FOXO1: variants seen among roughly 807,000 people sequenced by gnomAD.
FOXO1 encodes the protein forkhead box protein O1.
In FOXO1, 6 loss-of-function variants were observed where a neutral mutation model predicts 44.1. That is an observed-to-expected ratio of 0.14 (90% CI 0.07 to 0.27). The LOEUF (loss-of-function observed/expected upper bound fraction) is 0.27. Among genes scored for constraint, FOXO1 ranks in the 10% least tolerant of loss-of-function variants. The pLI is 1.00. For synonymous variants in FOXO1, 380 were observed against 362.7 expected (o/e 1.05, Z -0.54); for missense variants, 737 against 888.8 (o/e 0.83, Z 2.17).
chr13:40,609,836 T>C (rs914328395), intron 1 of FOXO1, among the ~76,000 whole-genome samples: 2 of 152,174 alleles, frequency 1.3e-5, no homozygotes, highest in Non-Finnish European at 2.9e-5. Flanking sequence ...TTCAGCATTT[T>C]TTCCAATTAC....
chr13:40,583,109 G>C (rs1470251534), intron 1 of FOXO1, among the ~76,000 whole-genome samples: 1 of 152,212 alleles, frequency 6.6e-6, no homozygotes, highest in Non-Finnish European at 1.5e-5. Context: ...CTCCATCAAA[G>C]CTCTTGTGTG....
chr13:40,594,849 C>T (rs992743203), intron 1 of FOXO1, among the ~76,000 whole-genome samples: 2 of 152,110 alleles, frequency 1.3e-5, no homozygotes, highest in Non-Finnish European at 2.9e-5. Flanking sequence ...ACCAAGCCAG[C>T]TAATTTCTTT....
intron 1 of FOXO1, among the ~76,000 whole-genome samples, chr13:40,626,325 C>A (rs1489475769): frequency 6.6e-6 from 1 of 152,180 alleles, no homozygotes; most frequent in African/African-American, 2.4e-5. Flanking sequence ...CCAAGTAAGG[C>A]ACTGGTCTCA....
At chr13:40,593,951 C>A (rs1875483236) in intron 1 of FOXO1, among the ~76,000 whole-genome samples, 1 of 152,152 alleles carries the variant, frequency 6.6e-6, no homozygotes, top group Admixed American at 6.5e-5. Context: ...GATTTGACAA[C>A]CACCCACAAT....
chr13:40,657,319 C>CTTTT (rs369503666), intron 1 of FOXO1, among the ~76,000 whole-genome samples: 1 of 127,804 alleles, frequency 7.8e-6, no homozygotes, highest in Admixed American at 8.4e-5. Flanking sequence ...CCTTTTTTTT[C>CTTTT]TTTTTTTTTT....
intron 1 of FOXO1, among the ~76,000 whole-genome samples, chr13:40,632,523 A>C (rs1876999483): frequency 6.6e-6 from 1 of 152,044 alleles, no homozygotes. Flanking sequence ...CCGTAATCCT[A>C]GCTACTTGGG....
intron 1 of FOXO1, among the ~76,000 whole-genome samples, chr13:40,572,749 C>T (rs1426064812): frequency 6.6e-6 from 1 of 152,152 alleles, no homozygotes; most frequent in Non-Finnish European, 1.5e-5. Context: ...GAGATTGAGC[C>T]CAAGTCAGGG....
At position 40,560,346 on chromosome 13, in the gene FOXO1, G is replaced by A; in HGVS notation, c.1145C>T (p.Ser382Leu). The A allele has an allele frequency of 3.1e-6, 5 of 1,614,174 alleles. No homozygotes were observed. Among genetic ancestry groups the A allele is most frequent in the Non-Finnish European group, 4.2e-6 (5 of 1,180,034 alleles). The change falls in exon 2 of 3, where the codon TCA becomes TTA. Residue 382 changes from serine (S) to leucine (L), a missense_variant. Around this residue, in one of 7 missense-constraint regions of FOXO1, gnomAD observed 136 missense variants for 186.4 expected, o/e 0.73. Transcript: ENST00000379561. The surrounding 1 kb of genome is among the most constrained non-coding windows in gnomAD (Gnocchi z 5.1). The part of the protein sequence containing the change: ...ENLLDNLNLL[S>L]SPTSLTVSTQ... ...CGAAACAGTTAATGATGTTGGTGATGAGAGAAGGTTGAGATTATCCAAAAG... is the reference window on the plus strand; with the variant it reads ...CGAAACAGTTAATGATGTTGGTGATAAGAGAAGGTTGAGATTATCCAAAAG...
intron 1 of FOXO1, among the ~76,000 whole-genome samples, chr13:40,572,108 C>T (rs1421833626): frequency 2.6e-5 from 4 of 152,138 alleles, no homozygotes; most frequent in African/African-American, 9.7e-5. Flanking sequence ...GAATTGTTTA[C>T]AGAAGCCAGT....
chr13:40,654,259 C>T (rs1877780607), intron 1 of FOXO1, among the ~76,000 whole-genome samples: 1 of 133,392 alleles, frequency 7.5e-6, no homozygotes, highest in Non-Finnish European at 1.6e-5. Context: ...GGGCAGGTCA[C>T]AAGGTCAGGA....
chr13:40,580,845 G>A (rs988220902), intron 1 of FOXO1, among the ~76,000 whole-genome samples: 1 of 152,190 alleles, frequency 6.6e-6, no homozygotes, highest in Non-Finnish European at 1.5e-5. Context: ...AGCAAAATAA[G>A]TTCAAGTCCC....
intron 1 of FOXO1, among the ~76,000 whole-genome samples, chr13:40,624,317 T>TTAAA (rs781451856): frequency 0.078 from 7,810 of 100,746 alleles, 386 homozygotes; most frequent in East Asian, 0.13. Flanking sequence ...TAATACTGCT[T>TTAAA]AAAAAAAAAA....
In FOXO1 at chr13:40,560,730, G is replaced by A; in HGVS notation, c.761C>T (p.Ala254Val). ...GKSGKSPRRR[A>V]ASMDNNSKFA... ...TTTACTGTTGTTGTCCATGGATGCAGCTCTTCTCCTAGGAGATTTCCCGCT... is the reference window on the plus strand; with the variant it reads ...TTTACTGTTGTTGTCCATGGATGCAACTCTTCTCCTAGGAGATTTCCCGCT... The change falls in exon 2 of 3, where the codon GCT (alanine) becomes GTT (valine). Residue 254 changes from alanine (A) to valine (V), a missense_variant. Ala to Val is a moderately conservative substitution (Grantham distance 64, BLOSUM62 0). This residue lies in a region of FOXO1 where 136 missense variants were observed against 186.4 expected (regional missense o/e 0.73). Transcript: ENST00000379561. This position sits in a 1 kb window ranked among gnomAD's most constrained non-coding sequence, Gnocchi z 5.1. The A allele has an allele frequency of 6.2e-7, 1 of 1,614,204 alleles. No homozygotes were observed. Among genetic ancestry groups the A allele is most frequent in the Non-Finnish European group, 8.5e-7 (1 of 1,180,032 alleles).
intron 1 of FOXO1, among the ~76,000 whole-genome samples, chr13:40,646,433 A>G (rs1439781913): frequency 1.3e-5 from 2 of 151,946 alleles, no homozygotes; most frequent in African/African-American, 4.8e-5. Flanking sequence ...TGCCCACCTC[A>G]GCCTCCCAAA....
intron 1 of FOXO1, among the ~76,000 whole-genome samples, chr13:40,605,557 G>A (rs1875964126): frequency 6.6e-6 from 1 of 151,986 alleles, no homozygotes; most frequent in African/African-American, 2.4e-5. Context: ...CCTCCCCTTT[G>A]TCCAGGCTGC....
intron 1 of FOXO1, among the ~76,000 whole-genome samples, chr13:40,641,929 T>A (rs1443937751): frequency 6.6e-6 from 1 of 152,118 alleles, no homozygotes; most frequent in Admixed American, 6.5e-5. Context: ...GAGGTTGCAG[T>A]GAACCAAGAT....
chr13:40,656,660 T>C (rs1877869333), intron 1 of FOXO1, among the ~76,000 whole-genome samples: 1 of 152,242 alleles, frequency 6.6e-6, no homozygotes, highest in Non-Finnish European at 1.5e-5. Context: ...TCCTAAGTAG[T>C]TGCATTTTAA....
At chr13:40,655,598 A>G (rs938362010) in intron 1 of FOXO1, among the ~76,000 whole-genome samples, 2 of 148,418 alleles carry the variant, frequency 1.3e-5, no homozygotes, top group African/African-American at 5.0e-5. Context: ...GTCTGCTTCT[A>G]TAGGGATAAA....
chr13:40,603,223 T>C (rs1875873307), intron 1 of FOXO1, among the ~76,000 whole-genome samples: 1 of 152,070 alleles, frequency 6.6e-6, no homozygotes. Flanking sequence ...AAACAATATG[T>C]ATCCTAAAGA....
Sources: gnomAD v4.1 joint callset for allele counts (sites outside exome capture counted in the v4.1 genomes callset) on GRCh38, gnomAD v4.1.1 for gene constraint, gnomAD v4.1.1 regional missense constraint, Gnocchi (gnomAD v3.1) non-coding constraint, MANE v1.5 for transcripts, NCBI Gene and HGNC (gene_info 2026-07-23, HGNC 2026-07-21) for gene names.